DLGAP2: variants seen among roughly 807,000 people sequenced by gnomAD.
DLGAP2 encodes disks large-associated protein 2.
A neutral mutation model predicts 100.3 loss-of-function variants in DLGAP2; 26 were observed. The ratio of observed to expected loss-of-function variants is 0.26; its 90% CI spans 0.19 to 0.36. DLGAP2 has a LOEUF of 0.36. Ranked by LOEUF, DLGAP2 falls within the 10% of genes least tolerant of loss-of-function variation. DLGAP2 has a pLI of 1.00. For missense variants in DLGAP2, 1,858 were observed against 1,453.2 expected (o/e 1.28, Z -4.53); for synonymous variants, 886 against 630.1 (o/e 1.41, Z -6.08).
intron 6 of DLGAP2, among the ~76,000 whole-genome samples, chr8:1,605,697 G>C (rs1048735825): frequency 3.3e-5 from 5 of 152,202 alleles, no homozygotes; most frequent in African/African-American, 9.6e-5. Context: ...AGAGAATGCA[G>C]CGTTTGCTAA....
At chr8:1,484,051 T>C (rs1382374814) in intron 3 of DLGAP2, among the ~76,000 whole-genome samples, 1 of 152,220 alleles carries the variant, frequency 6.6e-6, no homozygotes, top group East Asian at 1.9e-4. Context: ...CAGCAGTCCA[T>C]GTGGAGGCAG....
chr8:1,643,033 T>C (rs377633060), intron 8 of DLGAP2, among the ~76,000 whole-genome samples: 5 of 224 alleles, frequency 0.022, no homozygotes, highest in East Asian at 0.083. Context: ...AACCCGCCGG[T>C]CCTCACCTGT....
intron 3 of DLGAP2, among the ~76,000 whole-genome samples, chr8:1,372,318 G>A (rs540650028): frequency 1.3e-5 from 2 of 152,124 alleles, no homozygotes; most frequent in African/African-American, 2.4e-5. Flanking sequence ...GCTGGTCACC[G>A]TGCTGCCAAC....
rs200673222 is a variant in DLGAP2 at position 1,337,307 on chromosome 8, A to G, written c.106+78424A>G. Among the ~76,000 whole-genome samples the G allele has an allele frequency of 2.6e-5, 3 of 117,466 alleles. No homozygotes were observed. In the East Asian group the frequency reaches 8.6e-4, roughly 33 times the overall value. 77.1% of individuals were successfully genotyped at this position (117,466 alleles called of 152,430 possible). A position where few individuals can be genotyped will look rare whatever the true frequency, so the allele number is the denominator to read the frequency against. ...GGTGGCGATGGTGATGATGAGGATG[A>G]TGTGATGGTGAGAATGATGGTGATG... On this transcript the variant is annotated intron_variant, in intron 3 of 14. Transcript: ENST00000637795.
At chr8:1,180,183 G>C (rs1395144512) in intron 2 of DLGAP2, among the ~76,000 whole-genome samples, 1 of 151,992 alleles carries the variant, frequency 6.6e-6, no homozygotes, top group Non-Finnish European at 1.5e-5. Context: ...ACTTTTTTCT[G>C]ATAAAGCCAG....
intron 2 of DLGAP2, among the ~76,000 whole-genome samples, chr8:1,193,420 C>T (rs1394207228): frequency 6.6e-6 from 1 of 152,128 alleles, no homozygotes; most frequent in Non-Finnish European, 1.5e-5. Context: ...TGTCTGATGG[C>T]CAGTGATGAT....
chr8:1,460,950 T>G (rs1454272304), intron 3 of DLGAP2, among the ~76,000 whole-genome samples: 1 of 152,228 alleles, frequency 6.6e-6, no homozygotes, highest in Non-Finnish European at 1.5e-5. Context: ...GGGTACCATT[T>G]GGACAGAACT....
At chr8:750,324 A>G (rs914260526) in intron 1 of DLGAP2, among the ~76,000 whole-genome samples, 4 of 152,254 alleles carry the variant, frequency 2.6e-5, no homozygotes, top group Non-Finnish European at 5.9e-5. Context: ...AGGACGTCAC[A>G]GGAAAAGTAA....
chr8:1,558,051 G>A (rs1371698700), intron 5 of DLGAP2, among the ~76,000 whole-genome samples: 1 of 152,222 alleles, frequency 6.6e-6, no homozygotes, highest in Non-Finnish European at 1.5e-5. Context: ...GCCATTGGCT[G>A]GCACCTCCTG....
At chr8:1,547,845 C>T (rs1295744918) in intron 4 of DLGAP2, among the ~76,000 whole-genome samples, 3 of 152,210 alleles carry the variant, frequency 2.0e-5, no homozygotes, top group Non-Finnish European at 4.4e-5. Flanking sequence ...GAGAAAGCTC[C>T]TCCCATCCTC....
intron 2 of DLGAP2, among the ~76,000 whole-genome samples, chr8:1,118,230 A>T (rs1221405680): frequency 6.6e-6 from 1 of 152,178 alleles, no homozygotes; most frequent in Non-Finnish European, 1.5e-5. Context: ...GAAGTCCCTT[A>T]TGTAAGTAGG....
chr8:901,847 A>G (rs1242745878), intron 1 of DLGAP2, among the ~76,000 whole-genome samples: 4 of 152,220 alleles, frequency 2.6e-5, no homozygotes, highest in Non-Finnish European at 5.9e-5. Flanking sequence ...TTGCCCTGTA[A>G]CATTGTTGCT....
At chr8:795,393 C>A (rs1223309723) in intron 1 of DLGAP2, among the ~76,000 whole-genome samples, 1 of 152,212 alleles carries the variant, frequency 6.6e-6, no homozygotes, top group African/African-American at 2.4e-5. Context: ...CATGTCACAG[C>A]CTTGCACTTA....
At chr8:1,486,942 C>T (rs1364299189) in intron 3 of DLGAP2, among the ~76,000 whole-genome samples, 1 of 152,146 alleles carries the variant, frequency 6.6e-6, no homozygotes, top group Non-Finnish European at 1.5e-5. Flanking sequence ...GGAGACCAGC[C>T]ACGTGGGGAG....
At chr8:1,421,562 A>T (rs939042973) in intron 3 of DLGAP2, among the ~76,000 whole-genome samples, 3 of 152,264 alleles carry the variant, frequency 2.0e-5, no homozygotes, top group African/African-American at 7.2e-5. Context: ...CATTAAAGTT[A>T]TGAATATTAT....
intron 2 of DLGAP2, among the ~76,000 whole-genome samples, chr8:1,214,664 C>G (rs1470308731): frequency 6.6e-6 from 1 of 152,166 alleles, no homozygotes; most frequent in Admixed American, 6.5e-5. Context: ...CTCTGAGGTC[C>G]TTTTTAACAA....
rs188816265 is a variant in DLGAP2 at position 1,663,722 on chromosome 8, C to G, written c.1811-4607C>G. ...GAGTCTGTGGATCCTGTAAGTGAAA[C>G]TCAACTGCAGGGAGTGGTAAAAATC... is the stretch of plus-strand genomic sequence containing the variant. On this transcript the variant is annotated intron_variant, in intron 8 of 14. Transcript: ENST00000637795. 1.4e-3 allele frequency among the ~76,000 whole-genome samples: 212 copies of G among 152,190 alleles called. 2 individuals carry two copies. Among genetic ancestry groups the G allele is most frequent in the African/African-American group, 4.7e-3 (197 of 41,518 alleles).
intron 3 of DLGAP2, among the ~76,000 whole-genome samples, chr8:1,359,445 C>T (rs1044741771): frequency 5.9e-5 from 9 of 152,236 alleles, no homozygotes; most frequent in African/African-American, 9.6e-5. Flanking sequence ...AGGTTGGAGC[C>T]CAGGAACGTG....
At chr8:1,344,137 T>TATTCGGGGCCCTGTCGTGGGTCCGC (rs1801494605) in intron 3 of DLGAP2, among the ~76,000 whole-genome samples, 1 of 149,568 alleles carries the variant, frequency 6.7e-6, no homozygotes, top group Non-Finnish European at 1.5e-5. Flanking sequence ...CGTGGGTCCG[T>TATTCGGGGCCCTGTCGTGGGTCCGC]GTACTCGGGG....
Sources: gnomAD v4.1 joint callset for allele counts (sites outside exome capture counted in the v4.1 genomes callset) on GRCh38, gnomAD v4.1.1 for gene constraint, MANE v1.5 for transcripts, NCBI Gene and HGNC (gene_info 2026-07-23, HGNC 2026-07-21) for gene names.